CACNA1E: variants seen among roughly 807,000 people sequenced by gnomAD.
CACNA1E encodes the protein voltage-dependent R-type calcium channel subunit alpha-1E.
CACNA1E carries 40 observed loss-of-function variants against 259.2 expected under a neutral mutation model. That is an observed-to-expected ratio of 0.15 (90% confidence interval 0.12 to 0.20). CACNA1E has a LOEUF of 0.20. Among genes scored for constraint, CACNA1E ranks in the 10% least tolerant of loss-of-function variants. The pLI is 1.00. For synonymous variants in CACNA1E, 1,104 were observed against 1,138.5 expected (o/e 0.97, Z 0.61); for missense variants, 1,874 against 3,040.1 (o/e 0.62, Z 9.02).
chr1:181,576,074 G>T (rs534725178), intron 3 of CACNA1E, among the ~76,000 whole-genome samples: 10 of 152,306 alleles, frequency 6.6e-5, no homozygotes, highest in African/African-American at 2.2e-4. Flanking sequence ...AGACTCCACT[G>T]CCCCAAGTCC....
intron 7 of CACNA1E, among the ~76,000 whole-genome samples, chr1:181,682,688 T>C (rs1020852720): frequency 6.6e-6 from 1 of 152,162 alleles, no homozygotes; most frequent in Non-Finnish European, 1.5e-5. Context: ...TCAAGAAACT[T>C]ACAATTGTGG....
chr1:181,367,141 C>T (rs936025045), intron 1 of CACNA1E, among the ~76,000 whole-genome samples: 9 of 152,162 alleles, frequency 5.9e-5, no homozygotes, highest in Admixed American at 1.3e-4. Flanking sequence ...GAGGTTGCCA[C>T]GCAAAAGAGT....
chr1:181,391,228 C>T (rs1276501790), intron 1 of CACNA1E, among the ~76,000 whole-genome samples: 4 of 152,192 alleles, frequency 2.6e-5, no homozygotes, highest in Non-Finnish European at 5.9e-5. Context: ...CCTCTTTTAT[C>T]AGCAGTTTTT....
chr1:181,653,251 T>C (rs1240199076), intron 7 of CACNA1E, among the ~76,000 whole-genome samples: 1 of 152,052 alleles, frequency 6.6e-6, no homozygotes, highest in Non-Finnish European at 1.5e-5. Context: ...TCATCTTGAA[T>C]TGTAGCTCCC....
At chr1:181,347,791 C>G (rs901740147) in intron 1 of CACNA1E, among the ~76,000 whole-genome samples, 2 of 152,278 alleles carry the variant, frequency 1.3e-5, no homozygotes, top group African/African-American at 4.8e-5. Context: ...AGCCCCTTCA[C>G]CACGAGGAGT....
At chr1:181,781,317 TTCTCC>T (rs1175719245) in intron 38 of CACNA1E, 105 bp from the exon 39 acceptor site, 10 of 667,140 alleles carry the variant, frequency 1.5e-5, no homozygotes, top group South Asian at 9.9e-5. Flanking sequence ...GGAATGCCTA[TTCTCC>T]TCTCCTATCT....
intron 1 of CACNA1E, among the ~76,000 whole-genome samples, chr1:181,335,986 C>A (rs1258388692): frequency 6.6e-6 from 1 of 152,186 alleles, no homozygotes; most frequent in African/African-American, 2.4e-5. Flanking sequence ...AAGTGGTTAT[C>A]CAGACGACCT....
rs560442136 is a variant in CACNA1E at position 181,673,249 on chromosome 1, TC to T, written c.1055+21813del. Among the ~76,000 whole-genome samples, 916 of 151,968 alleles carry T rather than the reference TC, an allele frequency of 6.0e-3. 7 individuals are homozygous for T. Among genetic ancestry groups the T allele is most frequent in the Non-Finnish European group, 0.01 (682 of 67,980 alleles). ...GTGTGTGTGTGTGTGTGTGTATTTTTCCCCCATCCATCAATCCCTGTCCATC... is the reference window on the plus strand; with the variant it reads ...GTGTGTGTGTGTGTGTGTGTATTTTTCCCCATCCATCAATCCCTGTCCATC... On this transcript the variant is annotated intron_variant, in intron 7 of 47. Transcript: ENST00000367573.
At chr1:181,332,587 A>G (rs1378954255) in intron 1 of CACNA1E, among the ~76,000 whole-genome samples, 1 of 152,254 alleles carries the variant, frequency 6.6e-6, no homozygotes, top group Non-Finnish European at 1.5e-5. Flanking sequence ...CTGCCATTGA[A>G]TAATTTTAAT....
At chr1:181,348,781 G>C (rs1652810567) in intron 1 of CACNA1E, among the ~76,000 whole-genome samples, 1 of 152,180 alleles carries the variant, frequency 6.6e-6, no homozygotes, top group South Asian at 2.1e-4. Flanking sequence ...TCTGTGCCTG[G>C]AGACATCGAT....
At chr1:181,388,195 C>T (rs1470125463) in intron 1 of CACNA1E, among the ~76,000 whole-genome samples, 1 of 152,228 alleles carries the variant, frequency 6.6e-6, no homozygotes, top group African/African-American at 2.4e-5. Context: ...ACTCCTTTGA[C>T]ACAGCCTAAG....
At chr1:181,628,288 C>G (rs1656386877) in intron 6 of CACNA1E, among the ~76,000 whole-genome samples, 1 of 152,112 alleles carries the variant, frequency 6.6e-6, no homozygotes, top group African/African-American at 2.4e-5. Flanking sequence ...GAGTAAATGT[C>G]CAGGGTTTAC....
intron 3 of CACNA1E, among the ~76,000 whole-genome samples, chr1:181,557,644 G>A (rs1648876606): frequency 6.6e-6 from 1 of 152,174 alleles, no homozygotes. Flanking sequence ...TGCTCCCTTG[G>A]CCCAGCATCT....
At chr1:181,425,522 C>T (rs1269509107) in intron 2 of CACNA1E, among the ~76,000 whole-genome samples, 3 of 139,654 alleles carry the variant, frequency 2.1e-5, no homozygotes, top group South Asian at 2.3e-4. Flanking sequence ...AATTGCTGTA[C>T]ACCCCCGCTC....
At chr1:181,490,015 A>G (rs1018905523) in intron 1 of CACNA1E, among the ~76,000 whole-genome samples, 1 of 152,240 alleles carries the variant, frequency 6.6e-6, no homozygotes, top group African/African-American at 2.4e-5. Context: ...CAGAAGGTAT[A>G]GCACAAAGTT....
chr1:181,514,976 C>G (rs1666459297), intron 3 of CACNA1E, among the ~76,000 whole-genome samples: 1 of 152,142 alleles, frequency 6.6e-6, no homozygotes, highest in African/African-American at 2.4e-5. Context: ...GATGAAGAAA[C>G]CGAGGATCAG....
intron 7 of CACNA1E, among the ~76,000 whole-genome samples, chr1:181,675,625 G>C (rs1438497307): frequency 6.6e-6 from 1 of 152,152 alleles, no homozygotes; most frequent in Non-Finnish European, 1.5e-5. Context: ...GCATGGGAAG[G>C]CAGAGAAGCT....
intron 6 of CACNA1E, among the ~76,000 whole-genome samples, chr1:181,647,545 G>A (rs562668609): frequency 5.3e-5 from 8 of 152,234 alleles, no homozygotes; most frequent in African/African-American, 1.7e-4. Context: ...TGGTTGAACT[G>A]GCAGCTTCAC....
At chr1:181,729,578 T>C (rs900992134) in intron 18 of CACNA1E, among the ~76,000 whole-genome samples, 1 of 152,218 alleles carries the variant, frequency 6.6e-6, no homozygotes, top group African/African-American at 2.4e-5. Context: ...CTCTATTTCC[T>C]CATCTTTGAA....
Sources: allele counts gnomAD v4.1 joint callset (sites outside exome capture counted in the v4.1 genomes callset), GRCh38; gene constraint gnomAD v4.1.1; transcripts MANE v1.5; gene names NCBI Gene and HGNC (gene_info 2026-07-23, HGNC 2026-07-21).